Variants in RFLNA observed in about 807,000 individuals in gnomAD.
RFLNA encodes the protein refilin A.
Under a neutral mutation model 7.8 loss-of-function variants are expected in RFLNA, and 5 were observed. The ratio of observed to expected loss-of-function variants is 0.64; its 90% CI spans 0.34 to 1.35. The LOEUF is 1.35. Ranked by LOEUF, RFLNA falls within the 40% of genes most tolerant of loss-of-function variation. RFLNA has a pLI of 0.04. For missense variants in RFLNA, 278 were observed against 305.5 expected (o/e 0.91, Z 0.67); for synonymous variants, 141 against 131.3 (o/e 1.07, Z -0.50).
At position 124,303,225 on chromosome 12, in the gene RFLNA, G is replaced by A. The variant is rs533475939; in HGVS notation, c.207+7589G>A. ...AACAGAGCGGCTATCTTTCCTCGCC[G>A]GCCTGTGGGCTATGGCCTGTGCAGC... On this transcript the variant is annotated intron_variant, in intron 1 of 2. Coordinates refer to ENST00000546355, the MANE Select transcript of RFLNA (RefSeq NM_001365156.1). 1.5e-3 allele frequency among the ~76,000 whole-genome samples: 235 copies of A among 152,334 alleles called. 4 individuals are homozygous for A. The highest frequency in any genetic ancestry group is 1.3e-4 in the Non-Finnish European group (9 of 68,026).
rs2034337009 is a variant in RFLNA, at chr12:124,315,582, G to C, written c.*1057G>C. 6.6e-6 allele frequency: 1 copy of C among 152,250 alleles called. No individual in the cohort carries two copies. Among genetic ancestry groups the C allele is most frequent in the Non-Finnish European group, 1.5e-5 (1 of 68,056 alleles). The allele number at this position is 152,250 out of a possible 1,614,324, so 9.4% of individuals were successfully genotyped here. A position where few individuals can be genotyped will look rare whatever the true frequency, so the allele number is the denominator to read the frequency against. ...CCCTGCCTGTGGGATGTTGTGAGAG[G>C]AACATGAGCCAGACAAAGACTTGGC... On this transcript the variant is annotated 3_prime_UTR_variant, in exon 3 of 3. Coordinates refer to ENST00000546355, the MANE Select transcript of RFLNA (RefSeq NM_001365156.1).
intron 1 of RFLNA, among the ~76,000 whole-genome samples, chr12:124,303,197 G>A (rs905033780): frequency 6.6e-6 from 1 of 152,232 alleles, no homozygotes; most frequent in South Asian, 2.1e-4. Context: ...CTGAGCTCTC[G>A]ACAACAGAGC....
At chr12:124,300,408 G>C (rs2034006452) in intron 1 of RFLNA, among the ~76,000 whole-genome samples, 1 of 152,250 alleles carries the variant, frequency 6.6e-6, no homozygotes, top group Admixed American at 6.5e-5. Context: ...CCAGCTCTTG[G>C]AGGCCGCCTG....
intron 1 of RFLNA, among the ~76,000 whole-genome samples, chr12:124,296,072 T>TTTCTTTCTTTC (rs2033904091): frequency 1.4e-4 from 13 of 94,722 alleles, no homozygotes; most frequent in South Asian, 7.9e-4. Context: ...TGTGAAAGCC[T>TTTCTTTCTTTC]TTTCTTTCTT....
At chr12:124,292,029 A>G (rs1027004971), upstream of RFLNA, among the ~76,000 whole-genome samples, 3 of 152,172 alleles carry the variant, frequency 2.0e-5, no homozygotes, top group Non-Finnish European at 4.4e-5. Flanking sequence ...GGATACCCCA[A>G]TACCTCTTTT....
At chr12:124,310,193 A>AAAAGAAAAAAAAAC (rs2034216063) in intron 1 of RFLNA, among the ~76,000 whole-genome samples, 1 of 147,210 alleles carries the variant, frequency 6.8e-6, no homozygotes, top group Non-Finnish European at 1.5e-5. Flanking sequence ...AAAAAAAAAA[A>AAAAGAAAAAAAAAC]AAAGCCTTTA....
rs1407574478 is a variant in RFLNA at position 124,289,928 on chromosome 12, C to A, written c.-37+558C>A. Among the ~76,000 whole-genome samples the A allele has an allele frequency of 6.6e-6, 1 of 152,202 alleles. No homozygotes were observed. Among genetic ancestry groups the A allele is most frequent in the Non-Finnish European group, 1.5e-5 (1 of 68,040 alleles). ...ACGGTTGTACAGTCACCGGGACCTT[C>A]ACTCTGAAACATTTGACCACATGCC... On this transcript the variant is annotated intron_variant, in intron 1 of 2. Coordinates refer to the RFLNA transcript ENST00000324038. This position sits in a 1 kb window ranked among gnomAD's most constrained non-coding sequence, Gnocchi z 5.0.
At position 124,314,252 on chromosome 12, in the gene RFLNA, G is replaced by A. The variant is rs757929264; in HGVS notation, c.378G>A (p.Ala126=). Residue 126 remains alanine, a synonymous_variant, in exon 3 of 3, where the codon GCG becomes GCA. Transcript: ENST00000546355. ...ATTTCCAGGACAAGGTCTTCTATGCGCCCGTACCCACCGTCACGGCCTACA... is the reference window on the plus strand; with the variant it reads ...ATTTCCAGGACAAGGTCTTCTATGCACCCGTACCCACCGTCACGGCCTACA... ...EKHFQDKVFY[A]PVPTVTAYSE... is the part of the protein sequence containing the mutation. 3.3e-5 allele frequency: 54 copies of A among 1,613,452 alleles called. No homozygotes were observed. Among genetic ancestry groups the A allele is most frequent in the South Asian group, 7.7e-5 (7 of 91,078 alleles).
At chr12:124,301,288 C>T (rs995444175) in intron 1 of RFLNA, among the ~76,000 whole-genome samples, 1 of 152,214 alleles carries the variant, frequency 6.6e-6, no homozygotes, top group African/African-American at 2.4e-5. Context: ...CCCCGGTCTC[C>T]GGGGCAGGCT....
intron 1 of RFLNA, among the ~76,000 whole-genome samples, chr12:124,302,372 G>A (rs2034053014): frequency 3.9e-5 from 6 of 152,144 alleles, no homozygotes. Flanking sequence ...TCTCTGCCTT[G>A]GGTGTCAGAT....
At chr12:124,292,563 A>C (rs769205737), upstream of RFLNA, among the ~76,000 whole-genome samples, 2 of 152,232 alleles carry the variant, frequency 1.3e-5, no homozygotes, top group Non-Finnish European at 2.9e-5. Flanking sequence ...AGCGGATCTG[A>C]ATAGGTCAGA....
chr12:124,307,519 T>C (rs1166789655), intron 1 of RFLNA, among the ~76,000 whole-genome samples: 1 of 152,170 alleles, frequency 6.6e-6, no homozygotes, highest in East Asian at 1.9e-4. Context: ...GGCTGACACC[T>C]GCTTAGCCCC....
At chr12:124,304,647 C>T (rs1478020208) in intron 1 of RFLNA, among the ~76,000 whole-genome samples, 2 of 152,226 alleles carry the variant, frequency 1.3e-5, no homozygotes, top group Non-Finnish European at 2.9e-5. Flanking sequence ...TGAAATAAGC[C>T]CTCCCTGCTC....
Position 124,289,878 on chromosome 12 carries a change from C to G in RFLNA, c.-37+508C>G, listed in dbSNP as rs533978482. On this transcript the variant is annotated intron_variant, in intron 1 of 2. Transcript: ENST00000324038. This position sits in a 1 kb window ranked among gnomAD's most constrained non-coding sequence, Gnocchi z 5.0. ...GGGCCAGGCACTAGGACCTGGCCTG[C>G]TGAGGATGCAGAGTCCCAGGTCTCA... is the stretch of plus-strand genomic sequence containing the variant. Among the ~76,000 whole-genome samples the G allele has an allele frequency of 1.3e-5, 2 of 152,286 alleles. No individual in the cohort carries two copies. Among genetic ancestry groups the G allele is most frequent in the African/African-American group, 4.8e-5 (2 of 41,546 alleles).
chr12:124,307,679 C>T (rs74701928), intron 1 of RFLNA, among the ~76,000 whole-genome samples: 2,434 of 152,286 alleles, frequency 0.016, 25 homozygotes, highest in Middle Eastern at 0.031. Context: ...GGCTGGGCGG[C>T]GCAGGCCCCA....
chr12:124,314,594 C>T lies in RFLNA; in HGVS notation c.*69C>T, dbSNP rs1055065693. 33 of 1,534,720 alleles carry T rather than the reference C, an allele frequency of 2.2e-5. No individual in the cohort carries two copies. The highest frequency in any genetic ancestry group is 2.6e-5 in the Non-Finnish European group (30 of 1,145,916). ...TGGGGAGAAGCCGGGAGGATGGACA[C>T]GATGAGCTCGGCCTGGCACTCGGGC... On this transcript the variant is annotated 3_prime_UTR_variant, in exon 3 of 3. Transcript: ENST00000546355.
upstream of RFLNA, among the ~76,000 whole-genome samples, chr12:124,290,256 G>A (rs748036293): frequency 1.4e-4 from 21 of 151,896 alleles, no homozygotes; most frequent in Admixed American, 3.9e-4. The surrounding 1 kb of genome is among the most constrained non-coding windows in gnomAD (Gnocchi z 4.0). Flanking sequence ...GCGTGTATAC[G>A]TGTGTGGGTA....
At chr12:124,302,428 C>G (rs1407293121) in intron 1 of RFLNA, among the ~76,000 whole-genome samples, 2 of 152,148 alleles carry the variant, frequency 1.3e-5, no homozygotes, top group Admixed American at 1.3e-4. Context: ...GTTCATGGCT[C>G]TCCATATGGC....
At chr12:124,293,699 G>A (rs897963877), upstream of RFLNA, among the ~76,000 whole-genome samples, 3 of 152,176 alleles carry the variant, frequency 2.0e-5, no homozygotes. Context: ...GAAATGGGCT[G>A]TAAATTCACC....
Sources: allele counts gnomAD v4.1 joint callset (sites outside exome capture counted in the v4.1 genomes callset), GRCh38; gene constraint gnomAD v4.1.1; non-coding constraint Gnocchi (gnomAD v3.1); transcripts MANE v1.5; gene names NCBI Gene and HGNC (gene_info 2026-07-23, HGNC 2026-07-21).